Variants in PRRC2B observed in about 807,000 individuals in gnomAD.
PRRC2B encodes the protein proline rich coiled-coil 2B.
Under a neutral mutation model 242.3 loss-of-function variants are expected in PRRC2B, and 68 were observed. The observed-to-expected ratio is 0.28, with a 90% CI of 0.23 to 0.34. The LOEUF (loss-of-function observed/expected upper bound fraction) is 0.34. PRRC2B is among the 10% of genes least tolerant of loss of function. PRRC2B has a pLI of 1.00. For missense variants in PRRC2B, 2,835 were observed against 2,954.8 expected, an observed-to-expected ratio of 0.96 and a Z score of 0.94; for synonymous variants, 1,228 against 1,173.6, an observed-to-expected ratio of 1.05 and a Z score of -0.95.
chr9:131,390,476 CTTTTTTTT>C (rs10688559), upstream of PRRC2B, among the ~76,000 whole-genome samples: 14 of 41,226 alleles, frequency 3.4e-4, no homozygotes, highest in South Asian at 3.4e-3. Context: ...CCTAGCTTGC[CTTTTTTTT>C]TTTTTTTTTT....
At chr9:131,381,452 T>C (rs1371079844) in intron 1 of PRRC2B, among the ~76,000 whole-genome samples, 2 of 143,618 alleles carry the variant, frequency 1.4e-5, no homozygotes, top group Non-Finnish European at 3.0e-5. Context: ...GGAGTCTTGC[T>C]CTGTCCCCCA....
At position 131,446,316 on chromosome 9, in the gene PRRC2B, G is replaced by C; in HGVS notation, c.614-85G>C. The stretch of plus-strand genomic sequence containing the variant: ...TCATTTTATTTTTTTGGTGAAGGAG[G>C]GGGTCCCTTGACCTTCAGAACCTCA... On this transcript the variant is annotated intron_variant, in intron 6 of 31. Coordinates refer to ENST00000683519, the MANE Select transcript of PRRC2B (RefSeq NM_013318.4). The surrounding 1 kb of genome is among the most constrained non-coding windows in gnomAD (Gnocchi z 4.1). The C allele has an allele frequency of 6.8e-7, 1 of 1,475,884 alleles. No individual in the cohort carries two copies. Among genetic ancestry groups the C allele is most frequent in the South Asian group, 1.3e-5 (1 of 78,606 alleles). The allele number at this position is 1,475,884 out of a possible 1,614,324, so 91.4% of individuals were successfully genotyped here.
At chr9:131,447,976 G>A (rs1000542496) in intron 9 of PRRC2B, 172 bp downstream of exon 9, 2 of 568,250 alleles carry the variant, frequency 3.5e-6, no homozygotes, top group Admixed American at 7.1e-5. Context: ...TCCCTGACTA[G>A]AGGTTCCTTC....
At chr9:131,488,735 C>T (rs1241668328) in intron 28 of PRRC2B, among the ~76,000 whole-genome samples, 1 of 152,184 alleles carries the variant, frequency 6.6e-6, no homozygotes, top group Non-Finnish European at 1.5e-5. Flanking sequence ...CTTCTTCCTT[C>T]CTCCCTGAAA....
chr9:131,424,150 C>G (rs932692390), intron 1 of PRRC2B, among the ~76,000 whole-genome samples: 1 of 152,138 alleles, frequency 6.6e-6, no homozygotes, highest in African/African-American at 2.4e-5. Flanking sequence ...CCATGTTGCT[C>G]AGGCTGGTCT....
intron 28 of PRRC2B, 104 bp from the exon 29 acceptor site, chr9:131,491,321 T>C: frequency 8.6e-7 from 1 of 1,159,086 alleles, no homozygotes. Context: ...CTTTAGTTCT[T>C]CTGAAGTGTA....
intron 1 of PRRC2B, among the ~76,000 whole-genome samples, chr9:131,421,108 A>G (rs981795684): frequency 6.6e-6 from 1 of 152,194 alleles, no homozygotes; most frequent in African/African-American, 2.4e-5. Context: ...GAGCAATTGC[A>G]GCAGAGAGCT....
In PRRC2B at chr9:131,482,273, C is replaced by T; in HGVS notation, c.4984-98C>T. On this transcript the variant is annotated intron_variant, in intron 20 of 31. Coordinates refer to ENST00000683519, the MANE Select transcript of PRRC2B (RefSeq NM_013318.4). This position sits in a 1 kb window ranked among gnomAD's most constrained non-coding sequence, Gnocchi z 5.2. Reference sequence around the variant, plus strand: ...AGGACCAGACTTGGCAAGGGACAGGCAGCTGGGGTAGAAAAGTCTCTGTGC... The same window carrying T: ...AGGACCAGACTTGGCAAGGGACAGGTAGCTGGGGTAGAAAAGTCTCTGTGC... 7.5e-7 allele frequency: 1 copy of T among 1,327,558 alleles called. No individual in the cohort carries two copies. The highest frequency in any genetic ancestry group is 1.5e-5 in the African/African-American group (1 of 68,144). The allele number at this position is 1,327,558 out of a possible 1,614,324, so 82.2% of individuals were successfully genotyped here.
chr9:131,448,554 A>AAAAAAAACAAAAAAC, intron 9 of PRRC2B, among the ~76,000 whole-genome samples: 1 of 126,196 alleles, frequency 7.9e-6, no homozygotes, highest in Non-Finnish European at 1.7e-5. Context: ...AAAAAAAAAA[A>AAAAAAAACAAAAAAC]AAAAAAAAAA....
chr9:131,445,223 C>T (rs1476059509), intron 6 of PRRC2B, among the ~76,000 whole-genome samples: 2 of 151,574 alleles, frequency 1.3e-5, no homozygotes, highest in South Asian at 2.1e-4. Context: ...TGCAATGGTG[C>T]GATCTCTGCT....
At position 131,396,734 on chromosome 9, in the gene PRRC2B, C is replaced by A. The variant is rs924514142; in HGVS notation, c.-52+2471C>A. 2.6e-5 allele frequency among the ~76,000 whole-genome samples: 4 copies of A among 152,086 alleles called. No homozygotes were observed. The East Asian group carries it at 7.7e-4, about 29-fold the overall frequency. ...ATGTTTTGCTATGGTGACTATCACC[C>A]ATCTACCTGGAAGCACCAGAATGGC... On this transcript the variant is annotated intron_variant, in intron 1 of 31. Transcript: ENST00000683519.
intron 1 of PRRC2B, among the ~76,000 whole-genome samples, chr9:131,411,369 C>T (rs1385917001): frequency 3.5e-5 from 5 of 143,516 alleles, no homozygotes; most frequent in Non-Finnish European, 6.0e-5. Context: ...TTTTTTGAGA[C>T]GGAGTCTTGC....
At chr9:131,458,132 G>T (rs1457453295) in intron 10 of PRRC2B, among the ~76,000 whole-genome samples, 6 of 151,994 alleles carry the variant, frequency 3.9e-5, no homozygotes, top group Non-Finnish European at 8.8e-5. Flanking sequence ...TCCATGCTGT[G>T]TCGGCTCTGC....
chr9:131,486,232 A>C (rs985914771), intron 26 of PRRC2B, 50 bp downstream of exon 26: 22 of 1,266,554 alleles, frequency 1.7e-5, no homozygotes, highest in Admixed American at 3.8e-5. Flanking sequence ...GGGAGGAGCC[A>C]GTGCAGGGCG....
intron 1 of PRRC2B, among the ~76,000 whole-genome samples, chr9:131,384,409 A>G (rs1031999135): frequency 6.6e-6 from 1 of 151,928 alleles, no homozygotes; most frequent in Admixed American, 6.6e-5. Context: ...CAGCCTCCCA[A>G]GTAGCTGGGA....
intron 12 of PRRC2B, among the ~76,000 whole-genome samples, chr9:131,467,357 A>G (rs1943426093): frequency 6.6e-6 from 1 of 152,206 alleles, no homozygotes; most frequent in Non-Finnish European, 1.5e-5. Flanking sequence ...GTAAGGTGAC[A>G]ACAGGTGAAG....
intron 1 of PRRC2B, among the ~76,000 whole-genome samples, chr9:131,420,014 C>A (rs780905312): frequency 1.3e-5 from 2 of 152,114 alleles, no homozygotes; most frequent in Non-Finnish European, 2.9e-5. Flanking sequence ...TGCTGGAGAA[C>A]CCCCCAGTTC....
intron 1 of PRRC2B, among the ~76,000 whole-genome samples, chr9:131,413,729 C>T (rs1257336632): frequency 1.3e-5 from 2 of 151,980 alleles, no homozygotes; most frequent in African/African-American, 4.8e-5. Context: ...TGGAGTGCAG[C>T]GGTGCGATCT....
At chr9:131,415,139 G>A (rs1837613368) in intron 1 of PRRC2B, among the ~76,000 whole-genome samples, 1 of 151,984 alleles carries the variant, frequency 6.6e-6, no homozygotes, top group Non-Finnish European at 1.5e-5. Flanking sequence ...GACTACAGGT[G>A]TGCGCCATCA....
Sources: allele counts gnomAD v4.1 joint callset (sites outside exome capture counted in the v4.1 genomes callset), GRCh38; gene constraint gnomAD v4.1.1; non-coding constraint Gnocchi (gnomAD v3.1); transcripts MANE v1.5; gene names NCBI Gene and HGNC (gene_info 2026-07-23, HGNC 2026-07-21).